Variants in RBM47 observed in about 807,000 individuals in gnomAD.
The protein encoded by RBM47 is RNA-binding protein 47.
In RBM47, 21 loss-of-function variants were observed where a neutral mutation model predicts 47.1. The observed-to-expected ratio is 0.45, with a 90% CI of 0.32 to 0.64. The LOEUF is 0.64. RBM47 is among the 30% of genes least tolerant of loss of function. The probability of loss-of-function intolerance (pLI) is 0.05; values close to 1 mark genes in which losing one functional copy is unlikely to be tolerated. For synonymous variants in RBM47, 375 were observed against 361.7 expected (o/e 1.04, Z -0.42); for missense variants, 708 against 870.9 (o/e 0.81, Z 2.35).
rs540776856 is a variant in RBM47, at chr4:40,532,231, C to T, written c.-155+12191G>A. On this transcript the variant is annotated intron_variant, in intron 2 of 6. Coordinates refer to ENST00000295971, the MANE Select transcript of RBM47 (RefSeq NM_001098634.2). ...TTCACTGTGTTAGCCAGGATGGTCT[C>T]GATCTCCTGACCTCGTGATCCACCT... is the stretch of plus-strand genomic sequence containing the variant. 4.0e-5 allele frequency among the ~76,000 whole-genome samples: 6 copies of T among 148,928 alleles called. No individual in the cohort carries two copies. In the South Asian group the frequency reaches 1.3e-3, roughly 32 times the overall value.
intron 1 of RBM47, among the ~76,000 whole-genome samples, chr4:40,590,393 T>TA (rs147817841): frequency 0.012 from 1,707 of 146,418 alleles, 56 homozygotes; most frequent in Admixed American, 0.061. Context: ...TGTCTCTTTT[T>TA]AAAAAAAAAA....
chr4:40,541,305 A>T (rs536651166), intron 2 of RBM47, among the ~76,000 whole-genome samples: 1 of 152,086 alleles, frequency 6.6e-6, no homozygotes, highest in African/African-American at 2.4e-5. Flanking sequence ...ACTCATAACT[A>T]AGAAATCAGC....
intron 2 of RBM47, among the ~76,000 whole-genome samples, chr4:40,496,726 A>G (rs1425385985): frequency 6.6e-6 from 1 of 152,202 alleles, no homozygotes; most frequent in African/African-American, 2.4e-5. Context: ...AAGTAGTACC[A>G]TTCCTGCTTT....
intron 3 of RBM47, among the ~76,000 whole-genome samples, chr4:40,457,005 C>A (rs1716374462): frequency 6.6e-6 from 1 of 152,106 alleles, no homozygotes; most frequent in African/African-American, 2.4e-5. Flanking sequence ...TATAAAGATG[C>A]CTTATCTTTG....
At chr4:40,616,353 C>CAA (rs371710118) in intron 1 of RBM47, among the ~76,000 whole-genome samples, 8 of 65,686 alleles carry the variant, frequency 1.2e-4, no homozygotes, top group Non-Finnish European at 1.5e-4. Flanking sequence ...GACTCTGTCT[C>CAA]AAAAAAAAAA....
At chr4:40,604,880 C>A (rs564218341) in intron 1 of RBM47, among the ~76,000 whole-genome samples, 3 of 152,114 alleles carry the variant, frequency 2.0e-5, no homozygotes, top group African/African-American at 7.2e-5. Flanking sequence ...CCACGCCTGA[C>A]TAATTTTTGT....
chr4:40,615,124 T>C (rs1215260955), intron 1 of RBM47, among the ~76,000 whole-genome samples: 2 of 151,344 alleles, frequency 1.3e-5, no homozygotes, highest in African/African-American at 4.9e-5. Flanking sequence ...AAACCCTGTC[T>C]CAAAAAAATA....
intron 1 of RBM47, among the ~76,000 whole-genome samples, chr4:40,588,992 CTTTTTTTTTTTTTTT>C (rs34195998): frequency 1.3e-5 from 1 of 79,448 alleles, no homozygotes; most frequent in African/African-American, 4.9e-5. Context: ...TAAAGCGTTT[CTTTTTTTTTTTTTTT>C]TTTTTTTTTT....
chr4:40,508,138 C>G (rs955540236), intron 2 of RBM47, among the ~76,000 whole-genome samples: 18 of 152,308 alleles, frequency 1.2e-4, no homozygotes, highest in African/African-American at 3.4e-4. Context: ...GCCTCAACAG[C>G]GTTCTGGCAT....
At chr4:40,466,161 G>A (rs1343167638) in intron 3 of RBM47, among the ~76,000 whole-genome samples, 1 of 147,498 alleles carries the variant, frequency 6.8e-6, no homozygotes, top group South Asian at 2.2e-4. Flanking sequence ...CCAGCTACTC[G>A]GGAGGCTGAG....
At chr4:40,595,203 A>T (rs1388751372) in intron 1 of RBM47, among the ~76,000 whole-genome samples, 3 of 152,234 alleles carry the variant, frequency 2.0e-5, no homozygotes, top group African/African-American at 7.2e-5. Context: ...ATCATTAAAG[A>T]AACAAGGAAG....
chr4:40,521,533 T>C (rs1372522985), intron 2 of RBM47, among the ~76,000 whole-genome samples: 1 of 152,170 alleles, frequency 6.6e-6, no homozygotes, highest in Non-Finnish European at 1.5e-5. Flanking sequence ...TTCAAGTAGA[T>C]GTTTTAAAAA....
chr4:40,566,471 T>A (rs1403572171), intron 1 of RBM47, among the ~76,000 whole-genome samples: 1 of 150,862 alleles, frequency 6.6e-6, no homozygotes, highest in East Asian at 1.9e-4. Context: ...GTGGTGAAAC[T>A]CCGTCTCTAC....
chr4:40,487,383 C>T (rs1721241676), intron 2 of RBM47, among the ~76,000 whole-genome samples: 1 of 152,188 alleles, frequency 6.6e-6, no homozygotes, highest in Non-Finnish European at 1.5e-5. Flanking sequence ...GCAAACTCCA[C>T]CTCCCAGGTT....
intron 1 of RBM47, among the ~76,000 whole-genome samples, chr4:40,602,687 A>T (rs1199328081): frequency 6.6e-6 from 1 of 151,982 alleles, no homozygotes; most frequent in Non-Finnish European, 1.5e-5. Context: ...ATCTCAAGAC[A>T]ACTAGCCAAA....
intron 2 of RBM47, among the ~76,000 whole-genome samples, chr4:40,525,519 A>G (rs1311197270): frequency 6.6e-6 from 1 of 152,200 alleles, no homozygotes; most frequent in Non-Finnish European, 1.5e-5. Flanking sequence ...TTTGTTTTGT[A>G]AATCTGGATT....
chr4:40,540,794 A>G (rs1728459360), intron 2 of RBM47, among the ~76,000 whole-genome samples: 1 of 147,980 alleles, frequency 6.8e-6, no homozygotes, highest in Admixed American at 6.8e-5. Flanking sequence ...TTATTTATTT[A>G]TTTGGTTTTT....
intron 1 of RBM47, among the ~76,000 whole-genome samples, chr4:40,568,910 G>A (rs188496864): frequency 6.6e-6 from 1 of 151,910 alleles, no homozygotes; most frequent in Admixed American, 6.6e-5. Context: ...GAAACCGGGA[G>A]GCGGAGGTTA....
chr4:40,530,092 C>T (rs1241680779), intron 2 of RBM47, among the ~76,000 whole-genome samples: 1 of 150,370 alleles, frequency 6.7e-6, no homozygotes, highest in African/African-American at 2.4e-5. Flanking sequence ...TGTGCCACCA[C>T]ACCTGGTTAA....
Sources: gnomAD v4.1 joint callset for allele counts (sites outside exome capture counted in the v4.1 genomes callset) on GRCh38, gnomAD v4.1.1 for gene constraint, MANE v1.5 for transcripts, NCBI Gene and HGNC (gene_info 2026-07-23, HGNC 2026-07-21) for gene names.